EDNRA: variants seen among roughly 807,000 people sequenced by gnomAD.
EDNRA encodes the protein endothelin-1 receptor.
A neutral mutation model predicts 41.4 loss-of-function variants in EDNRA; 11 were observed. The observed-to-expected ratio is 0.27, with a 90% CI of 0.17 to 0.44. The LOEUF (loss-of-function observed/expected upper bound fraction) is 0.44, where lower values mean the gene tolerates loss of function less well. Ranked by LOEUF, EDNRA falls within the 20% of genes least tolerant of loss-of-function variation. EDNRA has a pLI of 1.00. For missense variants in EDNRA, 294 were observed against 531.0 expected (o/e 0.55, Z 4.39); for synonymous variants, 172 against 183.0 (o/e 0.94, Z 0.49).
intron 3 of EDNRA, among the ~76,000 whole-genome samples, chr4:147,523,642 C>T (rs1243301398): frequency 6.6e-6 from 1 of 151,912 alleles, no homozygotes; most frequent in Non-Finnish European, 1.5e-5. Flanking sequence ...AGGTGCCCAC[C>T]ACCACGCCCG....
chr4:147,483,087 T>C (rs1728827986), intron 1 of EDNRA, among the ~76,000 whole-genome samples: 1 of 152,212 alleles, frequency 6.6e-6, no homozygotes. Context: ...GACAAGAAGC[T>C]TTTCTCTTGG....
chr4:147,525,579 T>A (rs1353583383), intron 3 of EDNRA, among the ~76,000 whole-genome samples: 2 of 144,724 alleles, frequency 1.4e-5, no homozygotes, highest in Non-Finnish European at 3.0e-5. Flanking sequence ...TATATTACTT[T>A]GAGTTTGTTT....
At chr4:147,515,679 C>T (rs1028723758) in intron 2 of EDNRA, among the ~76,000 whole-genome samples, 1 of 152,134 alleles carries the variant, frequency 6.6e-6, no homozygotes, top group East Asian at 1.9e-4. Context: ...CTTTTTGGCT[C>T]CTTACATTTT....
At position 147,529,414 on chromosome 4, in the gene EDNRA, A is replaced by G. The variant is rs138972477; in HGVS notation, c.549-3092A>G. ...TAAAGCCACGAGACTAGATGAGATC[A>G]CCAAAGGAGAGCGCATAGACAGAAA... On this transcript the variant is annotated intron_variant, in intron 3 of 7. Transcript: ENST00000651419. 1.7e-3 allele frequency among the ~76,000 whole-genome samples: 259 copies of G among 152,300 alleles called. 1 individual carries two copies. The highest frequency in any genetic ancestry group is 2.9e-3 in the Non-Finnish European group (200 of 68,020).
chr4:147,505,553 G>A (rs1729676846), intron 2 of EDNRA, among the ~76,000 whole-genome samples: 1 of 150,760 alleles, frequency 6.6e-6, no homozygotes, highest in Non-Finnish European at 1.5e-5. Context: ...TGTTGGTTAG[G>A]CTGGTCTCGA....
At chr4:147,523,078 T>G (rs1730381324) in intron 3 of EDNRA, among the ~76,000 whole-genome samples, 1 of 152,200 alleles carries the variant, frequency 6.6e-6, no homozygotes, top group South Asian at 2.1e-4. Context: ...AGATTTGAAG[T>G]CAGCAAATGC....
At chr4:147,497,296 C>A (rs1420236686) in intron 2 of EDNRA, among the ~76,000 whole-genome samples, 1 of 151,052 alleles carries the variant, frequency 6.6e-6, no homozygotes, top group East Asian at 2.0e-4. Context: ...CATGCCTGGC[C>A]CAGAATTCTT....
intron 5 of EDNRA, among the ~76,000 whole-genome samples, chr4:147,538,191 G>C (rs542758048): frequency 6.6e-6 from 1 of 152,116 alleles, no homozygotes; most frequent in Non-Finnish European, 1.5e-5. Flanking sequence ...CTTTGCTTCA[G>C]TCTCAGGAGA....
intron 4 of EDNRA, 46 bp downstream of exon 4, chr4:147,532,750 T>C: frequency 6.3e-7 from 1 of 1,582,406 alleles, no homozygotes; most frequent in Non-Finnish European, 8.7e-7. Flanking sequence ...GAGGAGGTCC[T>C]CCGTTAGACT....
chr4:147,507,524 G>C (rs1450787290), intron 2 of EDNRA, among the ~76,000 whole-genome samples: 2 of 152,208 alleles, frequency 1.3e-5, no homozygotes, highest in Admixed American at 1.3e-4. Flanking sequence ...ATGGTTGCCA[G>C]GGGTTGGGAA....
At chr4:147,542,447 C>A (rs1473901858) in intron 7 of EDNRA, 31 bp from the exon 8 acceptor site, 10 of 1,613,198 alleles carry the variant, frequency 6.2e-6, no homozygotes, top group African/African-American at 2.7e-5. Context: ...CTGGTAGGCT[C>A]GCCTTACTTC....
Position 147,542,639 on chromosome 4 carries a change from C to T in EDNRA, c.*21C>T. On this transcript the variant is annotated 3_prime_UTR_variant, in exon 8 of 8. Transcript: ENST00000651419. ...ACTGACCACCCTTAGAAGCACTCCTCGGTACTCCCATAATCCTCTCGGAGA... is the reference window on the plus strand; with the variant it reads ...ACTGACCACCCTTAGAAGCACTCCTTGGTACTCCCATAATCCTCTCGGAGA... 6 of 1,612,592 alleles carry T rather than the reference C, an allele frequency of 3.7e-6. No homozygotes were observed. The highest frequency in any genetic ancestry group is 5.1e-6 in the Non-Finnish European group (6 of 1,179,458).
chr4:147,533,384 T>A (rs890860208), intron 4 of EDNRA, among the ~76,000 whole-genome samples: 7 of 152,188 alleles, frequency 4.6e-5, no homozygotes, highest in African/African-American at 1.4e-4. Context: ...GCATCTTTTC[T>A]TTGCAAAACT....
chr4:147,511,821 T>C (rs978862318), intron 2 of EDNRA, among the ~76,000 whole-genome samples: 2 of 152,188 alleles, frequency 1.3e-5, no homozygotes, highest in South Asian at 4.1e-4. Context: ...CATTAGGTTT[T>C]GGGACTTATT....
intron 2 of EDNRA, among the ~76,000 whole-genome samples, chr4:147,503,761 T>G (rs1482212441): frequency 1.3e-5 from 2 of 152,158 alleles, no homozygotes; most frequent in African/African-American, 4.8e-5. Flanking sequence ...TCTCCAAATT[T>G]TTGTTCTCAG....
At position 147,539,893 on chromosome 4, in the gene EDNRA, G is replaced by A. The variant is rs1204047804; in HGVS notation, c.977G>A (p.Arg326His). The change falls in exon 6 of 8, where the codon CGT becomes CAT. Residue 326 changes from arginine to histidine, a missense_variant. Arg to His is a conservative substitution (Grantham distance 29). Coordinates refer to ENST00000651419, the MANE Select transcript of EDNRA (RefSeq NM_001957.4). ...TGCTGGTTCCCTCTTCATTTAAGCCGTATATTGAAGAAAACTGTGTATAAC... is the reference window on the plus strand; with the variant it reads ...TGCTGGTTCCCTCTTCATTTAAGCCATATATTGAAGAAAACTGTGTATAAC... Reference protein sequence around the residue: ...ALCWFPLHLSRILKKTVYNEM... With the variant: ...ALCWFPLHLSHILKKTVYNEM... The A allele has an allele frequency of 2.5e-6, 4 of 1,613,320 alleles. No homozygotes were observed. Among genetic ancestry groups the A allele is most frequent in the South Asian group, 1.1e-5 (1 of 90,930 alleles).
At chr4:147,494,393 T>G (rs1195661170) in intron 2 of EDNRA, 1 of 152,246 alleles carries the variant, frequency 6.6e-6, no homozygotes. Context: ...GTGGGTGACC[T>G]CAATACAAGG....
At chr4:147,534,773 T>C (rs1730862699) in intron 4 of EDNRA, among the ~76,000 whole-genome samples, 1 of 152,222 alleles carries the variant, frequency 6.6e-6, no homozygotes, top group Non-Finnish European at 1.5e-5. Flanking sequence ...TGGTTTCCAT[T>C]GCAATCTTAT....
chr4:147,532,325 C>CAA (rs59851236), intron 3 of EDNRA, among the ~76,000 whole-genome samples, 181 bp from the exon 4 acceptor site: 896 of 59,378 alleles, frequency 0.015, 12 homozygotes, highest in African/African-American at 0.023. Context: ...GATTTTGCCT[C>CAA]AAAAAAAAAA....
Sources: gnomAD v4.1 joint callset for allele counts (sites outside exome capture counted in the v4.1 genomes callset) on GRCh38, gnomAD v4.1.1 for gene constraint, MANE v1.5 for transcripts, NCBI Gene and HGNC (gene_info 2026-07-23, HGNC 2026-07-21) for gene names.